The following CELF2 variants were observed in gnomAD, a reference collection of about 807,000 sequenced individuals.
CELF2 encodes CUG triplet repeat RNA-binding protein 2.
In CELF2, 8 loss-of-function variants were observed where a neutral mutation model predicts 62.6. The ratio of observed to expected loss-of-function variants is 0.13; its 90% CI spans 0.07 to 0.23. The LOEUF is 0.23. Ranked by LOEUF, CELF2 falls within the 10% of genes least tolerant of loss-of-function variation. The pLI, the probability that CELF2 is intolerant of heterozygous loss-of-function variation, is 1.00. For synonymous variants in CELF2, 258 were observed against 250.0 expected (o/e 1.03, Z -0.30); for missense variants, 333 against 671.0 (o/e 0.50, Z 5.56).
rs186006343 is a variant in CELF2, at chr10:11,178,136, G to T, written c.271+12454G>T. Among the ~76,000 whole-genome samples the T allele has an allele frequency of 3.2e-3, 493 of 152,358 alleles. 5 individuals are homozygous for T. The highest frequency in any genetic ancestry group is 0.011 in the African/African-American group (461 of 41,582). On this transcript the variant is annotated intron_variant, in intron 2 of 12. Transcript: ENST00000633077. The surrounding 1 kb of genome is among the most constrained non-coding windows in gnomAD (Gnocchi z 4.3). Reference sequence around the variant, plus strand: ...CCCTGGCCTGCGTCAGCGTTATGGAGTAGGCAACCTGGTTCGGCGCAAAGA... The same window carrying T: ...CCCTGGCCTGCGTCAGCGTTATGGATTAGGCAACCTGGTTCGGCGCAAAGA...
intron 1 of CELF2, among the ~76,000 whole-genome samples, chr10:10,901,218 G>A (rs548429020): frequency 4.6e-5 from 7 of 152,226 alleles, no homozygotes; most frequent in South Asian, 2.1e-4. Flanking sequence ...ATCAAATAAC[G>A]TTGACAGAGA....
At chr10:10,967,862 A>C (rs1203152331) in intron 2 of CELF2, among the ~76,000 whole-genome samples, 2 of 152,174 alleles carry the variant, frequency 1.3e-5, no homozygotes, top group African/African-American at 4.8e-5. Context: ...GGACAAATGT[A>C]AACCTAACAG....
rs568797969 is a variant in CELF2, at chr10:10,983,486, C to T, written c.89+63487C>T. Among the ~76,000 whole-genome samples, 1 of 152,312 alleles carries T rather than the reference C, an allele frequency of 6.6e-6. No homozygotes were observed. Among genetic ancestry groups the T allele is most frequent in the East Asian group, 1.9e-4 (1 of 5,182 alleles). ...GTTCTTGTACTGGACTCAATTCAGT[C>T]TGTAATTTTTACTGAGTCCCTACAA... On this transcript the variant is annotated intron_variant, in intron 2 of 13. Transcript: ENST00000636488. The surrounding 1 kb of genome is among the most constrained non-coding windows in gnomAD (Gnocchi z 5.2).
At chr10:10,688,733 C>T in the CELF2 span, among the ~76,000 whole-genome samples, 2 of 151,916 alleles carry the variant, frequency 1.3e-5, no homozygotes, top group South Asian at 4.1e-4. Flanking sequence ...TTTGGCTGGG[C>T]TCAGTGGCTC....
intron 2 of CELF2, among the ~76,000 whole-genome samples, chr10:11,189,656 C>T (rs2075837518): frequency 6.6e-6 from 1 of 152,200 alleles, no homozygotes. Context: ...GTGCTGTGGC[C>T]TGGAAACTCT....
chr10:10,468,508 G>A, the CELF2 span, among the ~76,000 whole-genome samples: 1 of 151,940 alleles, frequency 6.6e-6, no homozygotes, highest in African/African-American at 2.4e-5. Flanking sequence ...GCTGTTGATT[G>A]CTGTTGATCT....
At chr10:10,807,342 G>T (rs1013893888) in intron 1 of CELF2, among the ~76,000 whole-genome samples, 2 of 152,088 alleles carry the variant, frequency 1.3e-5, no homozygotes, top group Non-Finnish European at 2.9e-5. Flanking sequence ...CTTCCAAGAG[G>T]GATTTGTATA....
the CELF2 span, among the ~76,000 whole-genome samples, chr10:10,709,277 A>G: frequency 5.3e-5 from 8 of 152,362 alleles, no homozygotes; most frequent in African/African-American, 1.4e-4. Context: ...TGTAATTAAC[A>G]TTCAGAAGGA....
At chr10:10,551,655 G>T in the CELF2 span, among the ~76,000 whole-genome samples, 5 of 152,270 alleles carry the variant, frequency 3.3e-5, no homozygotes, top group South Asian at 1.0e-3. Context: ...CCCACTCTGC[G>T]CATGCCCACT....
intron 1 of CELF2, among the ~76,000 whole-genome samples, chr10:11,104,271 A>G (rs1422685286): frequency 1.3e-5 from 2 of 152,230 alleles, no homozygotes; most frequent in African/African-American, 2.4e-5. Context: ...ATAATCCTCT[A>G]TCAGGTGATC....
chr10:11,113,760 G>A (rs1289970601), intron 1 of CELF2, among the ~76,000 whole-genome samples: 1 of 152,134 alleles, frequency 6.6e-6, no homozygotes, highest in Non-Finnish European at 1.5e-5. Flanking sequence ...GGATTTGCAT[G>A]AGCTGGGGTC....
At chr10:10,906,319 GA>G (rs542344752) in intron 1 of CELF2, among the ~76,000 whole-genome samples, 227 of 152,184 alleles carry the variant, frequency 1.5e-3, no homozygotes, top group Middle Eastern at 0.01. Context: ...GGAAAGACCT[GA>G]AAAAAAGCCA....
At chr10:10,621,938 A>T in the CELF2 span, among the ~76,000 whole-genome samples, 21 of 152,330 alleles carry the variant, frequency 1.4e-4, no homozygotes, top group Non-Finnish European at 2.8e-4. Context: ...AGAAAAAAAT[A>T]TTTCCTTCAG....
chr10:11,311,855 A>G lies in CELF2; in HGVS notation c.977-2284A>G, dbSNP rs942161287. Among the ~76,000 whole-genome samples, 10 of 152,176 alleles carry G rather than the reference A, an allele frequency of 6.6e-5. No homozygotes were observed. The highest frequency in any genetic ancestry group is 2.2e-4 in the African/African-American group (9 of 41,420). On this transcript the variant is annotated intron_variant, in intron 9 of 12. Coordinates refer to ENST00000633077, the MANE Select transcript of CELF2 (RefSeq NM_001326342.2). This position sits in a 1 kb window ranked among gnomAD's most constrained non-coding sequence, Gnocchi z 4.7. ...GCTAAATTCCTAGTGGAAAGGAGAA[A>G]GAGAATGGGGGAAAGTCAATATAAG...
At chr10:10,888,632 C>T (rs2061927428) in intron 1 of CELF2, among the ~76,000 whole-genome samples, 1 of 152,198 alleles carries the variant, frequency 6.6e-6, no homozygotes, top group African/African-American at 2.4e-5. Flanking sequence ...CTGAAGCCTT[C>T]TTGGAAAGTC....
At chr10:10,854,175 T>C (rs1489425566) in intron 1 of CELF2, among the ~76,000 whole-genome samples, 1 of 152,180 alleles carries the variant, frequency 6.6e-6, no homozygotes, top group Admixed American at 6.5e-5. Flanking sequence ...TCATGAGGAC[T>C]CTGTGTCAAC....
At chr10:10,799,339 C>G (rs1272782881) in intron 1 of CELF2, among the ~76,000 whole-genome samples, 1 of 152,038 alleles carries the variant, frequency 6.6e-6, no homozygotes, top group Non-Finnish European at 1.5e-5. Context: ...CAGAAATTAG[C>G]CAGGTGTGGT....
intron 1 of CELF2, among the ~76,000 whole-genome samples, chr10:11,125,174 G>A (rs1022080038): frequency 1.3e-5 from 2 of 152,184 alleles, no homozygotes; most frequent in Non-Finnish European, 2.9e-5. Context: ...GATGTAGTGT[G>A]AGGACCTCTG....
At position 11,224,421 on chromosome 10, in the gene CELF2, C is replaced by T. The variant is rs1003948713; in HGVS notation, c.354+6914C>T. ...GCCATAGTTAGATTTCAGAGATAAT[C>T]ATTTCTCTACGACAGCCCAAGATTA... On this transcript the variant is annotated intron_variant, in intron 3 of 12. Coordinates refer to ENST00000633077, the MANE Select transcript of CELF2 (RefSeq NM_001326342.2). This position sits in a 1 kb window ranked among gnomAD's most constrained non-coding sequence, Gnocchi z 4.5. 8.5e-5 allele frequency among the ~76,000 whole-genome samples: 13 copies of T among 152,144 alleles called. No homozygotes were observed. Among genetic ancestry groups the T allele is most frequent in the Admixed American group, 1.3e-4 (2 of 15,276 alleles).
Sources: allele counts gnomAD v4.1 joint callset (sites outside exome capture counted in the v4.1 genomes callset), GRCh38; gene constraint gnomAD v4.1.1; non-coding constraint Gnocchi (gnomAD v3.1); transcripts MANE v1.5; gene names NCBI Gene and HGNC (gene_info 2026-07-23, HGNC 2026-07-21).